SHROOM3: variants seen among roughly 807,000 people sequenced by gnomAD.
SHROOM3 encodes protein Shroom3.
A neutral mutation model predicts 138.6 loss-of-function variants in SHROOM3; 47 were observed. The observed-to-expected ratio is 0.34, with a 90% CI of 0.27 to 0.43. The LOEUF (loss-of-function observed/expected upper bound fraction) is 0.43, where lower values mean the gene tolerates loss of function less well. Among genes scored for constraint, SHROOM3 ranks in the 20% least tolerant of loss-of-function variants. The probability of loss-of-function intolerance (pLI) is 1.00; values close to 1 mark genes in which losing one functional copy is unlikely to be tolerated. For missense variants in SHROOM3, 2,491 were observed against 2,596.5 expected (o/e 0.96, Z 0.88); for synonymous variants, 1,062 against 1,063.3 (o/e 1.00, Z 0.02).
chr4:76,659,447 G>A (rs1290662913), intron 2 of SHROOM3, among the ~76,000 whole-genome samples: 1 of 152,176 alleles, frequency 6.6e-6, no homozygotes, highest in Non-Finnish European at 1.5e-5. Context: ...GGTCATTTGG[G>A]TTTAGAGCCA....
intron 2 of SHROOM3, among the ~76,000 whole-genome samples, chr4:76,674,410 T>C (rs949932114): frequency 2.0e-5 from 3 of 152,116 alleles, no homozygotes. Context: ...TTTAGCCACC[T>C]CTCTGACTCC....
chr4:76,683,952 G>A (rs1292696821), intron 2 of SHROOM3, among the ~76,000 whole-genome samples: 5 of 151,984 alleles, frequency 3.3e-5, no homozygotes, highest in African/African-American at 1.2e-4. Flanking sequence ...GAAGAGTTTA[G>A]CTTTCCTTCA....
chr4:76,478,176 C>G (rs1731528161), intron 1 of SHROOM3, among the ~76,000 whole-genome samples: 1 of 152,210 alleles, frequency 6.6e-6, no homozygotes. Context: ...GCCAAGTAGT[C>G]TAGTTCAGCA....
At position 76,782,052 on chromosome 4, in the gene SHROOM3, C is replaced by G. The variant is rs1489342530; in HGVS notation, c.*2875C>G. The G allele has an allele frequency of 6.6e-6, 1 of 152,184 alleles. No individual in the cohort carries two copies. Among genetic ancestry groups the G allele is most frequent in the African/African-American group, 2.4e-5 (1 of 41,440 alleles). 9.4% of individuals were successfully genotyped at this position (152,184 alleles called of 1,614,324 possible). ...AAAGGACAATGTCCTGCGAGAAAAT[C>G]AGGAGGCCTCCACTTCCTGGGCCAC... On this transcript the variant is annotated 3_prime_UTR_variant, in exon 11 of 11. Coordinates refer to ENST00000296043, the MANE Select transcript of SHROOM3 (RefSeq NM_020859.4).
chr4:76,667,885 T>C (rs1179148270), intron 2 of SHROOM3, among the ~76,000 whole-genome samples: 2 of 140,054 alleles, frequency 1.4e-5, no homozygotes, highest in African/African-American at 5.4e-5. Context: ...GGGGAATCAC[T>C]TGAACCCGGG....
chr4:76,494,700 G>A (rs1560523901), intron 1 of SHROOM3, among the ~76,000 whole-genome samples: 1 of 152,194 alleles, frequency 6.6e-6, no homozygotes, highest in Admixed American at 6.5e-5. Context: ...ACAAAACCTG[G>A]TATTTTAGTT....
rs1722739205 is a variant in SHROOM3, at chr4:76,781,641, G to A, written c.*2464G>A. 6.6e-6 allele frequency: 1 copy of A among 152,180 alleles called. No homozygotes were observed. The highest frequency in any genetic ancestry group is 1.5e-5 in the Non-Finnish European group (1 of 68,020). 9.4% of individuals were successfully genotyped at this position (152,180 alleles called of 1,614,324 possible). ...TTTTTAGGTGGATGTGATATTTATT[G>A]TAATAGGACTTGACCTCTGTACTTT... On this transcript the variant is annotated 3_prime_UTR_variant, in exon 11 of 11. Transcript: ENST00000296043.
At chr4:76,732,380 G>A (rs1228241028) in intron 4 of SHROOM3, among the ~76,000 whole-genome samples, 2 of 152,182 alleles carry the variant, frequency 1.3e-5, no homozygotes, top group South Asian at 2.1e-4. Flanking sequence ...CTCATGTCTG[G>A]TCAAGTCAAG....
chr4:76,676,944 C>CAAAAAAAAAAAAAAAAAAAA (rs58270392), intron 2 of SHROOM3, among the ~76,000 whole-genome samples: 5 of 79,046 alleles, frequency 6.3e-5, no homozygotes, highest in African/African-American at 2.3e-4. Flanking sequence ...CTCCGTCTCA[C>CAAAAAAAAAAAAAAAAAAAA]AAAAAAAAAA....
At chr4:76,593,737 G>T (rs1404366632) in intron 2 of SHROOM3, among the ~76,000 whole-genome samples, 1 of 152,156 alleles carries the variant, frequency 6.6e-6, no homozygotes, top group Admixed American at 6.5e-5. Context: ...TTCAGGAAAA[G>T]TCACCTTAGT....
chr4:76,745,040 C>T (rs1003975595), intron 5 of SHROOM3, among the ~76,000 whole-genome samples: 1 of 152,222 alleles, frequency 6.6e-6, no homozygotes, highest in Non-Finnish European at 1.5e-5. Context: ...GGCCTCTCCT[C>T]AGCCAGCTTG....
intron 2 of SHROOM3, among the ~76,000 whole-genome samples, chr4:76,615,921 A>G (rs1189570573): frequency 6.6e-6 from 1 of 152,158 alleles, no homozygotes; most frequent in African/African-American, 2.4e-5. Context: ...CTCAGTCATC[A>G]TATCTGAGAA....
intron 3 of SHROOM3, among the ~76,000 whole-genome samples, chr4:76,723,810 C>G (rs1285211213): frequency 6.6e-6 from 1 of 152,144 alleles, no homozygotes; most frequent in Non-Finnish European, 1.5e-5. Flanking sequence ...AGAAAATACT[C>G]GTCAAGTGCC....
chr4:76,640,873 C>G (rs1008459573), intron 2 of SHROOM3, among the ~76,000 whole-genome samples: 1 of 152,148 alleles, frequency 6.6e-6, no homozygotes, highest in Non-Finnish European at 1.5e-5. Flanking sequence ...GAGTTGCCTG[C>G]AAGCAATCTG....
chr4:76,482,882 A>G (rs1481900151), intron 1 of SHROOM3, among the ~76,000 whole-genome samples: 1 of 152,200 alleles, frequency 6.6e-6, no homozygotes, highest in African/African-American at 2.4e-5. Flanking sequence ...CAAACCTGAC[A>G]AAAACAAGAA....
At chr4:76,651,113 G>A (rs1372123549) in intron 2 of SHROOM3, among the ~76,000 whole-genome samples, 1 of 146,380 alleles carries the variant, frequency 6.8e-6, no homozygotes, top group African/African-American at 2.5e-5. Flanking sequence ...AGAGTAGAAG[G>A]ATGTTACCAT....
intron 2 of SHROOM3, among the ~76,000 whole-genome samples, chr4:76,596,124 G>T (rs777361928): frequency 6.6e-6 from 1 of 152,158 alleles, no homozygotes; most frequent in Non-Finnish European, 1.5e-5. Context: ...TGGACCCCAT[G>T]CATGACAGTG....
intron 1 of SHROOM3, among the ~76,000 whole-genome samples, chr4:76,536,093 G>T (rs1400547839): frequency 6.6e-6 from 1 of 152,164 alleles, no homozygotes; most frequent in Admixed American, 6.5e-5. Flanking sequence ...AAATATTTGG[G>T]CCACCCAGTA....
intron 2 of SHROOM3, among the ~76,000 whole-genome samples, chr4:76,557,916 A>G (rs377573597): frequency 1.1e-4 from 17 of 152,268 alleles, no homozygotes; most frequent in African/African-American, 2.9e-4. Context: ...CATCTCAAAC[A>G]TGGGGCTGAT....
Sources: gnomAD v4.1 joint callset for allele counts (sites outside exome capture counted in the v4.1 genomes callset) on GRCh38, gnomAD v4.1.1 for gene constraint, MANE v1.5 for transcripts, NCBI Gene and HGNC (gene_info 2026-07-23, HGNC 2026-07-21) for gene names.